NAB2: variants seen among roughly 807,000 people sequenced by gnomAD.
NAB2 encodes the protein NGFI-A binding protein 2.
Under a neutral mutation model 44.2 loss-of-function variants are expected in NAB2, and 9 were observed. That is an observed-to-expected ratio of 0.20 (90% CI 0.12 to 0.36). The LOEUF is 0.36. NAB2 is among the 10% of genes least tolerant of loss of function. NAB2 has a pLI of 1.00. For synonymous variants in NAB2, 342 were observed against 291.0 expected, an observed-to-expected ratio of 1.18 and a Z score of -1.78; for missense variants, 514 against 709.0, an observed-to-expected ratio of 0.73 and a Z score of 3.12.
chr12:57,092,061 G>A, intron 2 of NAB2, 63 bp downstream of exon 2: 1 of 1,542,346 alleles, frequency 6.5e-7, no homozygotes. Flanking sequence ...GCTTACCTCT[G>A]CGAGTTTCTA....
chr12:57,094,908 G>A lies in NAB2; in HGVS notation c.*187G>A. ...AATAACAAGCAGAGGCCTGGAGAGA[G>A]GACACAAGGAGGGTGCGTGGTGCCC... On this transcript the variant is annotated 3_prime_UTR_variant, in exon 7 of 7. Transcript: ENST00000300131. 1.7e-6 allele frequency: 1 copy of A among 599,642 alleles called. No individual in the cohort carries two copies. The highest frequency in any genetic ancestry group is 2.9e-6 in the Non-Finnish European group (1 of 339,184). The allele number at this position is 599,642 out of a possible 1,614,324, so 37.1% of individuals were successfully genotyped here.
intron 2 of NAB2, 127 bp downstream of exon 2, chr12:57,092,125 C>A (rs1277834185): frequency 7.0e-7 from 1 of 1,425,016 alleles, no homozygotes; most frequent in African/African-American, 1.4e-5. Flanking sequence ...GCCCTGATCC[C>A]CTCCCCAACA....
chr12:57,092,981 G>C lies in NAB2; in HGVS notation c.1143+13G>C. ...GCTGAAACAAGAGGTATGTTTTCCG[G>C]GGTGCATATAGGGGCACTGGGCAGC... On this transcript the variant is annotated intron_variant, in intron 4 of 6. Transcript: ENST00000300131. 1.2e-6 allele frequency: 2 copies of C among 1,614,144 alleles called. No homozygotes were observed. Among genetic ancestry groups the C allele is most frequent in the Non-Finnish European group, 1.7e-6 (2 of 1,180,034 alleles).
At position 57,091,668 on chromosome 12, in the gene NAB2, C is replaced by T; in HGVS notation, c.627C>T (p.Ser209=). ...AGGAGGCTGGCTCGCCCCCCTTCTC[C>T]CCCCCTGCAGGGGGAGGAGTCCCTG... The part of the protein sequence containing the change: ...GEEEAGSPPF[S]PPAGGGVPEG... Residue 209 remains serine, a synonymous_variant, in exon 2 of 7, where the codon TCC becomes TCT. Transcript: ENST00000300131. This position sits in a 1 kb window ranked among gnomAD's most constrained non-coding sequence, Gnocchi z 7.3. 6.2e-7 allele frequency: 1 copy of T among 1,610,730 alleles called. No individual in the cohort carries two copies. The highest frequency in any genetic ancestry group is 8.5e-7 in the Non-Finnish European group (1 of 1,178,046).
At position 57,093,572 on chromosome 12, in the gene NAB2, G is replaced by A. The variant is rs930812370; in HGVS notation, c.1442G>A (p.Cys481Tyr). The change falls in exon 6 of 7, where the codon TGT (cysteine) becomes TAT (tyrosine). Residue 481 changes from cysteine to tyrosine, a missense_variant. Physicochemically the swap from Cys to Tyr is radical, Grantham distance 194 (BLOSUM62 -2). Transcript: ENST00000300131. ...GACCGCGTGGGCCGCCTCAGCCCCT[G>A]TGTGCCTGCGAAGCCACCTCTCGCA... is the stretch of plus-strand genomic sequence containing the variant. ...SHDRVGRLSPCVPAKPPLAEF... is the reference protein window; with the variant it reads ...SHDRVGRLSPYVPAKPPLAEF... 54 of 1,527,042 alleles carry A rather than the reference G, an allele frequency of 3.5e-5. No individual in the cohort carries two copies. The highest frequency in any genetic ancestry group is 4.7e-5 in the Non-Finnish European group (53 of 1,137,238). The allele number at this position is 1,527,042 out of a possible 1,614,324, so 94.6% of individuals were successfully genotyped here. A position where few individuals can be genotyped will look rare whatever the true frequency, so the allele number is the denominator to read the frequency against.
rs1005026374 is a variant in NAB2 at position 57,092,776 on chromosome 12, A to G, written c.1092-141A>G. ...GGTCCCCCCAACCCCCTACAACAAT[A>G]GTGCTTGAACTAGAGACTCTTTCTC... On this transcript the variant is annotated intron_variant, in intron 3 of 6. Transcript: ENST00000300131. 3.0e-6 allele frequency: 4 copies of G among 1,320,592 alleles called. No individual in the cohort carries two copies. The African/African-American group carries it at 5.8e-5, about 19-fold the overall frequency. 81.8% of individuals were successfully genotyped at this position (1,320,592 alleles called of 1,614,324 possible).
chr12:57,091,747 C>A lies in NAB2; in HGVS notation c.706C>A (p.Arg236=). 1 of 1,614,060 alleles carries A rather than the reference C, an allele frequency of 6.2e-7. No homozygotes were observed. Among genetic ancestry groups the A allele is most frequent in the Non-Finnish European group, 8.5e-7 (1 of 1,179,956 alleles). The change falls in exon 2 of 7, where the codon CGA becomes AGA. Residue 236 remains arginine, a synonymous_variant. Transcript: ENST00000300131. This position sits in a 1 kb window ranked among gnomAD's most constrained non-coding sequence, Gnocchi z 7.3. ...AGGTGGGACTGGGGGTGGTCCAGACCGACTGGAGCCAGAGATGGTACGCAT... is the reference window on the plus strand; with the variant it reads ...AGGTGGGACTGGGGGTGGTCCAGACAGACTGGAGCCAGAGATGGTACGCAT... ...AAGGTGGGPD[R]LEPEMVRMVV... is the part of the protein sequence containing the mutation.
intron 1 of NAB2, among the ~76,000 whole-genome samples, chr12:57,090,240 C>T (rs2033157333): frequency 6.6e-6 from 1 of 152,164 alleles, no homozygotes; most frequent in Non-Finnish European, 1.5e-5. Flanking sequence ...AATCCCAGCA[C>T]TTTGGGAGGC....
rs191455000 is a variant in NAB2 at position 57,094,785 on chromosome 12, C to T, written c.*64C>T. The T allele has an allele frequency of 2.7e-4, 369 of 1,342,678 alleles. 4 individuals carry two copies. The East Asian group carries it at 9.0e-3, about 33-fold the overall frequency. The allele number at this position is 1,342,678 out of a possible 1,614,324, so 83.2% of individuals were successfully genotyped here. ...TCTGGCTCACACAGACCCCCACGCT[C>T]TCCATCCCCGGAATCTAGTCACAAC... On this transcript the variant is annotated 3_prime_UTR_variant, in exon 7 of 7. Transcript: ENST00000300131.
Position 57,091,816 on chromosome 12 carries a change from G to C in NAB2, c.775G>C (p.Gly259Arg). 3 of 1,614,208 alleles carry C rather than the reference G, an allele frequency of 1.9e-6. No individual in the cohort carries two copies. ...GAGGATCTTCCGGAGCTTCCCAAGG[G>C]GGGATGCTGGGGAGGTCACATCCCT... Reference protein sequence around the residue: ...VERIFRSFPRGDAGEVTSLLK... With the variant: ...VERIFRSFPRRDAGEVTSLLK... Residue 259 changes from glycine (G) to arginine (R), a missense_variant, in exon 2 of 7, where the codon GGG becomes CGG. Coordinates refer to ENST00000300131, the MANE Select transcript of NAB2 (RefSeq NM_005967.4). The surrounding 1 kb of genome is among the most constrained non-coding windows in gnomAD (Gnocchi z 7.3).
rs1049131759 is a variant in NAB2 at position 57,094,700 on chromosome 12, G to A, written c.1557G>A (p.Glu519=). ...VEGRRSSVKV[E]AEASRQ is the part of the protein sequence containing the mutation. ...GTCGCAGGAGCAGCGTGAAAGTGGA[G>A]GCTGAGGCCAGCCGGCAGTGAGGGT... is the stretch of plus-strand genomic sequence containing the variant. Residue 519 remains glutamate, a synonymous_variant, in exon 7 of 7, where the codon GAG becomes GAA. Coordinates refer to ENST00000300131, the MANE Select transcript of NAB2 (RefSeq NM_005967.4). 16 of 1,553,300 alleles carry A rather than the reference G, an allele frequency of 1.0e-5. No homozygotes were observed. The highest frequency in any genetic ancestry group is 1.2e-5 in the Non-Finnish European group (14 of 1,148,222).
At chr12:57,090,593 C>T (rs981020740) in intron 1 of NAB2, among the ~76,000 whole-genome samples, 1 of 152,238 alleles carries the variant, frequency 6.6e-6, no homozygotes, top group African/African-American at 2.4e-5. Flanking sequence ...GGTGCCACAC[C>T]CTCCCTTTTA....
Position 57,094,791 on chromosome 12 carries a change from C to T in NAB2, c.*70C>T. On this transcript the variant is annotated 3_prime_UTR_variant, in exon 7 of 7. Transcript: ENST00000300131. Reference sequence around the variant, plus strand: ...TCACACAGACCCCCACGCTCTCCATCCCCGGAATCTAGTCACAACCCTGGA... The same window carrying T: ...TCACACAGACCCCCACGCTCTCCATTCCCGGAATCTAGTCACAACCCTGGA... The T allele has an allele frequency of 7.8e-7, 1 of 1,285,438 alleles. No individual in the cohort carries two copies. The highest frequency in any genetic ancestry group is 1.1e-6 in the Non-Finnish European group (1 of 930,370). 79.6% of individuals were successfully genotyped at this position (1,285,438 alleles called of 1,614,324 possible).
chr12:57,092,293 C>G, intron 2 of NAB2, 155 bp from the exon 3 acceptor site: 1 of 1,206,258 alleles, frequency 8.3e-7, no homozygotes, highest in Non-Finnish European at 1.2e-6. Context: ...TGACCTCTGT[C>G]TTCCCACCTC....
At chr12:57,093,724 T>C in intron 6 of NAB2, 126 bp downstream of exon 6, 1 of 1,066,654 alleles carries the variant, frequency 9.4e-7, no homozygotes. Flanking sequence ...GTAGGATGGC[T>C]GGGCTCCAGC....
Position 57,094,762 on chromosome 12 carries a change from T to TGGCTCACACAGACCCCC in NAB2, c.*42_*58dup. 6.7e-7 allele frequency: 1 copy of TGGCTCACACAGACCCCC among 1,488,070 alleles called. No individual in the cohort carries two copies. The highest frequency in any genetic ancestry group is 1.2e-5 in the South Asian group (1 of 82,338). 92.2% of individuals were successfully genotyped at this position (1,488,070 alleles called of 1,614,324 possible). On this transcript the variant is annotated 3_prime_UTR_variant, in exon 7 of 7. Coordinates refer to ENST00000300131, the MANE Select transcript of NAB2 (RefSeq NM_005967.4). ...CTTCAGACCCAGGACCTCAGACTTC[T>TGGCTCACACAGACCCCC]GGCTCACACAGACCCCCACGCTCTC...
rs1459528631 is a variant in NAB2 at position 57,094,630 on chromosome 12, T to C, written c.1487T>C (p.Leu496Pro). Residue 496 changes from leucine (L) to proline (P), a missense_variant, in exon 7 of 7, where the codon CTG becomes CCG. This residue lies in a region of NAB2 where 194 missense variants were observed against 223.9 expected (regional missense o/e 0.87). Coordinates refer to ENST00000300131, the MANE Select transcript of NAB2 (RefSeq NM_005967.4). ...PPLAEFEEGL[L>P]DRCPAPGPHP... ...CCTGCAGAGTTCGAGGAAGGGCTGC[T>C]GGACAGATGTCCTGCCCCAGGACCC... 7.7e-6 allele frequency: 12 copies of C among 1,553,680 alleles called. No homozygotes were observed. Among genetic ancestry groups the C allele is most frequent in the African/African-American group, 6.8e-5 (5 of 73,246 alleles).
Position 57,092,955 on chromosome 12 carries a change from A to G in NAB2, c.1130A>G (p.Lys377Arg), listed in dbSNP as rs749512719. Residue 377 changes from lysine (K) to arginine (R), a missense_variant, in exon 4 of 7, where the codon AAG becomes AGG. Lys to Arg is a conservative substitution (Grantham distance 26). Coordinates refer to ENST00000300131, the MANE Select transcript of NAB2 (RefSeq NM_005967.4). ...PEELGGPPLKKLKQEVGEQSH... is the reference protein window; with the variant it reads ...PEELGGPPLKRLKQEVGEQSH... ...GAACTGGGAGGCCCTCCACTGAAGA[A>G]GCTGAAACAAGAGGTATGTTTTCCG... 1.2e-6 allele frequency: 2 copies of G among 1,614,080 alleles called. No individual in the cohort carries two copies. Among genetic ancestry groups the G allele is most frequent in the African/African-American group, 1.3e-5 (1 of 74,932 alleles).
In NAB2 at chr12:57,089,490, G is replaced by A. The variant is rs1025329107; in HGVS notation, c.83+136G>A. The A allele has an allele frequency of 4.1e-5, 31 of 752,522 alleles. 1 individual carries two copies. Among genetic ancestry groups the A allele is most frequent in the South Asian group, 3.6e-4 (20 of 55,548 alleles). 46.6% of individuals were successfully genotyped at this position (752,522 alleles called of 1,614,324 possible). A position where few individuals can be genotyped will look rare whatever the true frequency, so the allele number is the denominator to read the frequency against. On this transcript the variant is annotated intron_variant, in intron 1 of 6. Transcript: ENST00000300131. The stretch of plus-strand genomic sequence containing the variant: ...TGGGGGGTGGAGACTGATGGAAAAG[G>A]GGGTGCGTCTTCGAATTAGGGGGCC...
Sources: gnomAD v4.1 joint callset for allele counts (sites outside exome capture counted in the v4.1 genomes callset) on GRCh38, gnomAD v4.1.1 for gene constraint, gnomAD v4.1.1 regional missense constraint, Gnocchi (gnomAD v3.1) non-coding constraint, MANE v1.5 for transcripts, NCBI Gene and HGNC (gene_info 2026-07-23, HGNC 2026-07-21) for gene names.